Variants in UPP2 observed in about 807,000 individuals in gnomAD.
The protein encoded by UPP2 is UPase 2.
UPP2 carries 23 observed loss-of-function variants against 26.7 expected under a neutral mutation model. The observed-to-expected ratio is 0.86, with a 90% CI of 0.62 to 1.22. The LOEUF (loss-of-function observed/expected upper bound fraction) is 1.22. UPP2 is among the 50% of genes most tolerant of loss of function. UPP2 has a pLI of 0.00. For missense variants in UPP2, 387 were observed against 396.7 expected (o/e 0.98, Z 0.21); for synonymous variants, 127 against 141.3 (o/e 0.90, Z 0.72).
intron 3 of UPP2, among the ~76,000 whole-genome samples, chr2:158,047,492 C>A (rs564622309): frequency 4.4e-4 from 67 of 152,264 alleles, no homozygotes; most frequent in African/African-American, 1.5e-3. Flanking sequence ...AGCTGGCATC[C>A]GGTTTAAACC....
intron 3 of UPP2, among the ~76,000 whole-genome samples, chr2:158,048,143 A>G (rs1201734757): frequency 6.6e-6 from 1 of 152,316 alleles, no homozygotes; most frequent in Non-Finnish European, 1.5e-5. Flanking sequence ...AGACACAGAA[A>G]AGAAAGGACA....
At chr2:158,083,427 C>T (rs1371620824) in intron 3 of UPP2, among the ~76,000 whole-genome samples, 1 of 152,016 alleles carries the variant, frequency 6.6e-6, no homozygotes, top group Non-Finnish European at 1.5e-5. Context: ...AAGCTGGAAA[C>T]CATCATTCTC....
intron 3 of UPP2, among the ~76,000 whole-genome samples, chr2:158,027,508 G>A (rs918328723): frequency 6.6e-6 from 1 of 152,168 alleles, no homozygotes; most frequent in Non-Finnish European, 1.5e-5. Flanking sequence ...GCTTTGTAGG[G>A]TACAGCCTCC....
At chr2:158,108,887 CGT>C (rs748328980) in intron 2 of UPP2, among the ~76,000 whole-genome samples, 18,800 of 132,756 alleles carry the variant, frequency 0.14, 1,114 homozygotes, top group African/African-American at 0.22. Flanking sequence ...GAGGCAAAAG[CGT>C]GTGTGTGTGT....
intron 6 of UPP2, among the ~76,000 whole-genome samples, chr2:158,125,721 A>G (rs1348487110): frequency 9.2e-5 from 14 of 152,224 alleles, no homozygotes; most frequent in Admixed American, 8.5e-4. Flanking sequence ...CGCCCAGCCC[A>G]TCTTTGTATT....
rs763676500 is a variant in UPP2 at position 158,018,040 on chromosome 2, T to A, written c.147+2154T>A. Among the ~76,000 whole-genome samples the A allele has an allele frequency of 3.3e-4, 51 of 152,360 alleles. 1 individual carries two copies. Among genetic ancestry groups the A allele is most frequent in the South Asian group, 8.3e-4 (4 of 4,832 alleles). ...TTGGATGTAATGATAATTAATGTTT[T>A]AAAAATGAGAAAACCACTGACTTAG... On this transcript the variant is annotated intron_variant, in intron 3 of 9. Transcript: ENST00000605860.
At chr2:158,108,856 T>C (rs575979904) in intron 2 of UPP2, among the ~76,000 whole-genome samples, 1 of 150,984 alleles carries the variant, frequency 6.6e-6, no homozygotes, top group South Asian at 2.1e-4. Flanking sequence ...ACTCTACTGA[T>C]TGAGCCATTT....
chr2:158,114,853 G>T (rs896069928), intron 2 of UPP2, among the ~76,000 whole-genome samples: 4 of 152,136 alleles, frequency 2.6e-5, no homozygotes, highest in Non-Finnish European at 5.9e-5. Flanking sequence ...ACACCTCCTT[G>T]AATAATATCA....
intron 3 of UPP2, among the ~76,000 whole-genome samples, chr2:158,067,668 T>A (rs930390416): frequency 6.5e-4 from 99 of 152,138 alleles, no homozygotes; most frequent in Admixed American, 1.2e-3. Context: ...TTTTTTTATT[T>A]CATTACAAAT....
chr2:158,050,414 T>G (rs1486461500), intron 3 of UPP2, among the ~76,000 whole-genome samples: 2 of 152,152 alleles, frequency 1.3e-5, no homozygotes, highest in Non-Finnish European at 2.9e-5. Context: ...TGTACTAGTC[T>G]ATCTTATCCT....
intron 1 of UPP2, among the ~76,000 whole-genome samples, chr2:158,105,552 T>C (rs1683174958): frequency 1.3e-5 from 2 of 152,182 alleles, no homozygotes. Flanking sequence ...GTCCATGAAG[T>C]GTCCGGCTGA....
At chr2:158,093,670 T>C (rs1682944801) in intron 3 of UPP2, among the ~76,000 whole-genome samples, 1 of 152,162 alleles carries the variant, frequency 6.6e-6, no homozygotes. Context: ...GATACCATTT[T>C]ACAGTCATCA....
At chr2:157,999,087 CT>C (rs1409420563) in intron 2 of UPP2, among the ~76,000 whole-genome samples, 5 of 152,130 alleles carry the variant, frequency 3.3e-5, no homozygotes, top group African/African-American at 1.2e-4. Flanking sequence ...AGTGTCTAAT[CT>C]ACTTTCAATC....
chr2:158,083,073 T>A (rs1319443960), intron 3 of UPP2, among the ~76,000 whole-genome samples: 1 of 152,154 alleles, frequency 6.6e-6, no homozygotes, highest in Non-Finnish European at 1.5e-5. Flanking sequence ...CTGGAGAGGA[T>A]GCGGAGAAAC....
intron 3 of UPP2, among the ~76,000 whole-genome samples, chr2:158,066,228 G>A (rs1041700698): frequency 2.0e-5 from 3 of 152,160 alleles, no homozygotes; most frequent in African/African-American, 7.2e-5. Context: ...GACAGATTTG[G>A]CAACCTCTGT....
chr2:158,129,746 AATAG>A (rs1382471268), intron 6 of UPP2, among the ~76,000 whole-genome samples: 1 of 151,426 alleles, frequency 6.6e-6, no homozygotes, highest in South Asian at 2.1e-4. Context: ...TATTTAAGGA[AATAG>A]ATAGGAAGGT....
chr2:158,035,377 G>C (rs932270794), intron 3 of UPP2, among the ~76,000 whole-genome samples: 11 of 151,984 alleles, frequency 7.2e-5, no homozygotes, highest in African/African-American at 2.2e-4. Context: ...GGCTGGTCTC[G>C]AACTCCTGAC....
At chr2:158,007,499 C>T (rs1279489794) in intron 2 of UPP2, among the ~76,000 whole-genome samples, 1 of 152,180 alleles carries the variant, frequency 6.6e-6, no homozygotes, top group Non-Finnish European at 1.5e-5. Flanking sequence ...GTCTTGAGGG[C>T]CTCATCTAAC....
chr2:158,133,899 G>A (rs1374561196), intron 6 of UPP2: 1 of 152,108 alleles, frequency 6.6e-6, no homozygotes, highest in Non-Finnish European at 1.5e-5. Context: ...ATTCAAAGTG[G>A]CTAACACTGA....
Sources: allele counts gnomAD v4.1 joint callset (sites outside exome capture counted in the v4.1 genomes callset), GRCh38; gene constraint gnomAD v4.1.1; transcripts MANE v1.5; gene names NCBI Gene and HGNC (gene_info 2026-07-23, HGNC 2026-07-21).